The following ITGB2 variants were observed in gnomAD, a reference collection of about 807,000 sequenced individuals.
ITGB2 encodes the protein integrin subunit beta 2.
In ITGB2, 56 loss-of-function variants were observed where a neutral mutation model predicts 86.8. The observed-to-expected ratio is 0.65, with a 90% confidence interval of 0.52 to 0.81. The LOEUF (loss-of-function observed/expected upper bound fraction) is 0.81. Among genes scored for constraint, ITGB2 ranks in the 30% least tolerant of loss-of-function variants. The pLI is 0.00. For missense variants in ITGB2, 948 were observed against 1,061.2 expected (o/e 0.89, Z 1.48); for synonymous variants, 457 against 450.4 (o/e 1.01, Z -0.19).
Position 44,886,190 on chromosome 21 carries a change from G to A in ITGB2, c.*178C>T. The A allele has an allele frequency of 6.0e-6, 4 of 661,408 alleles. No homozygotes were observed. Among genetic ancestry groups the A allele is most frequent in the Non-Finnish European group, 1.1e-5 (4 of 363,336 alleles). The allele number at this position is 661,408 out of a possible 1,614,324, so 41.0% of individuals were successfully genotyped here. A position where few individuals can be genotyped will look rare whatever the true frequency, so the allele number is the denominator to read the frequency against. On this transcript the variant is annotated 3_prime_UTR_variant, in exon 16 of 16. Transcript: ENST00000652462. ...AGACTGTGCCAGTCAGAGTGGAGCT[G>A]TCCCCCCGACGAGCCCCCAGAAGCA...
At chr21:44,890,340 C>G (rs1263053489) in intron 11 of ITGB2, 118 bp from the exon 12 acceptor site, 2 of 1,367,944 alleles carry the variant, frequency 1.5e-6, no homozygotes, top group African/African-American at 1.4e-5. Flanking sequence ...GCACATTTTG[C>G]TTTCCTCGAG....
intron 1 of ITGB2, among the ~76,000 whole-genome samples, chr21:44,926,656 C>T (rs1254492678): frequency 1.3e-5 from 2 of 152,240 alleles, no homozygotes; most frequent in East Asian, 3.8e-4. Context: ...CTGGGTACAA[C>T]TGCTCAGGGT....
chr21:44,911,172 A>C, intron 1 of ITGB2: 2 of 351,744 alleles, frequency 5.7e-6, no homozygotes, highest in Non-Finnish European at 1.1e-5. Flanking sequence ...ACACATATAC[A>C]TGCATCACAC....
At chr21:44,916,796 A>T (rs12482072) in intron 1 of ITGB2, among the ~76,000 whole-genome samples, 18,500 of 149,782 alleles carry the variant, frequency 0.12, 1,224 homozygotes, top group East Asian at 0.19. Flanking sequence ...TGAGCCCGGG[A>T]GGCAGAGGGT....
At chr21:44,910,640 T>C (rs1443899922) in intron 2 of ITGB2, 85 bp downstream of exon 2, 1 of 1,528,956 alleles carries the variant, frequency 6.5e-7, no homozygotes, top group Admixed American at 1.9e-5. Flanking sequence ...CGGGAACTTC[T>C]GTCTATGGGA....
At chr21:44,914,416 C>T (rs1374385101) in intron 1 of ITGB2, 1 of 152,306 alleles carries the variant, frequency 6.6e-6, no homozygotes, top group Admixed American at 6.6e-5. Flanking sequence ...ACGAGGTCAT[C>T]CTTCCCCGGA....
upstream of ITGB2, among the ~76,000 whole-genome samples, chr21:44,921,880 C>T (rs186049049): frequency 3.9e-4 from 60 of 152,244 alleles, no homozygotes; most frequent in Admixed American, 3.6e-3. Context: ...TGTACCACCA[C>T]GCCTGGGTAA....
At chr21:44,893,611 C>T (rs921109570) in intron 9 of ITGB2, 67 bp from the exon 10 acceptor site, 99 of 1,594,022 alleles carry the variant, frequency 6.2e-5, no homozygotes, top group Non-Finnish European at 7.3e-5. Context: ...CCTGGCCCAG[C>T]GGTTTAGACC....
intron 1 of ITGB2, among the ~76,000 whole-genome samples, chr21:44,920,257 T>C (rs1180645881): frequency 6.6e-6 from 1 of 151,642 alleles, no homozygotes; most frequent in Non-Finnish European, 1.5e-5. Flanking sequence ...CACACCACAC[T>C]ACGCTATGCC....
intron 1 of ITGB2, among the ~76,000 whole-genome samples, chr21:44,919,475 G>A (rs535590767): frequency 6.6e-5 from 10 of 152,320 alleles, no homozygotes; most frequent in African/African-American, 2.4e-4. Flanking sequence ...TCTGCAGTGA[G>A]CTGGGCATGG....
At chr21:44,919,248 G>A (rs890342079) in intron 1 of ITGB2, among the ~76,000 whole-genome samples, 9 of 152,180 alleles carry the variant, frequency 5.9e-5, no homozygotes, top group African/African-American at 1.9e-4. Flanking sequence ...CCCTGGGGCC[G>A]AGGCATGGGC....
At chr21:44,893,355 C>A (rs1362291131) in intron 10 of ITGB2, 49 bp downstream of exon 10, 1 of 1,608,534 alleles carries the variant, frequency 6.2e-7, no homozygotes, top group African/African-American at 1.3e-5. Context: ...CTGGCTGTCC[C>A]CAGAGCCCCT....
chr21:44,897,571 G>A (rs908215547), intron 8 of ITGB2, among the ~76,000 whole-genome samples: 9 of 152,156 alleles, frequency 5.9e-5, no homozygotes, highest in African/African-American at 9.7e-5. Context: ...ACTGCCCGCC[G>A]GGCACCACTA....
At chr21:44,901,757 G>T (rs748291364) in intron 5 of ITGB2, 24 bp from the exon 6 acceptor site, 2 of 1,597,522 alleles carry the variant, frequency 1.3e-6, no homozygotes, top group East Asian at 2.2e-5. Context: ...GGAGGGGCTG[G>T]GGAGGTGGCA....
rs768143838 is a variant in ITGB2 at position 44,888,781 on chromosome 21, C to T, written c.1992G>A (p.Glu664=). 5 of 1,612,168 alleles carry T rather than the reference C, an allele frequency of 3.1e-6. No homozygotes were observed. The highest frequency in any genetic ancestry group is 4.2e-6 in the Non-Finnish European group (5 of 1,179,992). Residue 664 remains glutamate, a synonymous_variant, in exon 14 of 16, where the codon GAG becomes GAA. Coordinates refer to ENST00000652462, the MANE Select transcript of ITGB2 (RefSeq NM_000211.5). ...NNPVKGRTCK[E]RDSEGCWVAY... Reference sequence around the variant, plus strand: ...CCACCCAGCAGCCCTCTGAGTCCCTCTCCTTGCAGGTCCTGCCCTTCACGG... The same window carrying T: ...CCACCCAGCAGCCCTCTGAGTCCCTTTCCTTGCAGGTCCTGCCCTTCACGG...
chr21:44,916,008 C>T (rs193281476), intron 1 of ITGB2, among the ~76,000 whole-genome samples: 93 of 151,960 alleles, frequency 6.1e-4, no homozygotes, highest in African/African-American at 2.0e-3. Flanking sequence ...CTGCAACCTC[C>T]GCCTCCCATG....
intron 10 of ITGB2, among the ~76,000 whole-genome samples, chr21:44,892,345 C>T (rs944929935): frequency 2.6e-5 from 4 of 151,712 alleles, no homozygotes; most frequent in Non-Finnish European, 5.9e-5. Context: ...GACAGCTGGG[C>T]GCCGCGGCTC....
chr21:44,889,090 T>C, intron 13 of ITGB2, 186 bp downstream of exon 13: 1 of 699,558 alleles, frequency 1.4e-6, no homozygotes, highest in Admixed American at 2.3e-5. Context: ...CCGCGGCAGG[T>C]GCGCACAGGA....
chr21:44,897,362 G>A (rs2083885119), intron 8 of ITGB2, among the ~76,000 whole-genome samples: 1 of 152,252 alleles, frequency 6.6e-6, no homozygotes, highest in South Asian at 2.1e-4. Flanking sequence ...GGCAGGGGCT[G>A]TGAGGCTGCC....
Sources: gnomAD v4.1 joint callset for allele counts (sites outside exome capture counted in the v4.1 genomes callset) on GRCh38, gnomAD v4.1.1 for gene constraint, MANE v1.5 for transcripts, NCBI Gene and HGNC (gene_info 2026-07-23, HGNC 2026-07-21) for gene names.